CFH: variants seen among roughly 807,000 people sequenced by gnomAD.
CFH encodes complement factor H, also known as H factor 1 (complement).
A neutral mutation model predicts 147.3 loss-of-function variants in CFH; 53 were observed. The observed-to-expected ratio is 0.36, with a 90% CI of 0.29 to 0.45. The LOEUF (loss-of-function observed/expected upper bound fraction) is 0.45. Among genes scored for constraint, CFH ranks in the 20% least tolerant of loss-of-function variants. The pLI, the probability that CFH is intolerant of heterozygous loss-of-function variation, is 1.00. For synonymous variants in CFH, 536 were observed against 489.4 expected (o/e 1.10, Z -1.26); for missense variants, 1,380 against 1,498.0 (o/e 0.92, Z 1.30).
chr1:196,733,895 T>C (rs1669339552), intron 15 of CFH, among the ~76,000 whole-genome samples: 1 of 152,040 alleles, frequency 6.6e-6, no homozygotes, highest in African/African-American at 2.4e-5. Flanking sequence ...GAATATATCA[T>C]AAAACTTCTC....
chr1:196,677,765 T>A (rs1667509223), intron 5 of CFH, 98 bp downstream of exon 5: 2 of 1,148,204 alleles, frequency 1.7e-6, no homozygotes, highest in Non-Finnish European at 2.6e-6. Flanking sequence ...ATATTAACAA[T>A]AGCTAATGTT....
intron 6 of CFH, among the ~76,000 whole-genome samples, chr1:196,683,970 T>C (rs1667740736): frequency 6.6e-6 from 1 of 151,948 alleles, no homozygotes; most frequent in Non-Finnish European, 1.5e-5. Flanking sequence ...CCACAGCTTT[T>C]TAGTCCAAAA....
intron 1 of CFH, among the ~76,000 whole-genome samples, chr1:196,661,621 C>T (rs1457331038): frequency 6.6e-6 from 1 of 152,182 alleles, no homozygotes; most frequent in East Asian, 1.9e-4. Context: ...ACCTTCACGA[C>T]CTAATCACTT....
At chr1:196,714,017 G>T in intron 10 of CFH, 100 bp downstream of exon 10, 1 of 1,109,208 alleles carries the variant, frequency 9.0e-7, no homozygotes, top group Non-Finnish European at 1.3e-6. Context: ...CATTTGAAAA[G>T]ATAAGAAAAA....
intron 11 of CFH, among the ~76,000 whole-genome samples, chr1:196,718,160 G>C (rs1668916076): frequency 6.6e-6 from 1 of 152,074 alleles, no homozygotes; most frequent in Non-Finnish European, 1.5e-5. Flanking sequence ...GGAGAAAATG[G>C]TGAAAACACA....
chr1:196,716,334 A>G (rs545050574), intron 11 of CFH, among the ~76,000 whole-genome samples: 2 of 152,250 alleles, frequency 1.3e-5, no homozygotes, highest in African/African-American at 4.8e-5. Context: ...AGCTGTAAAA[A>G]CAAAACAATA....
At chr1:196,699,965 T>C (rs961662707) in intron 9 of CFH, among the ~76,000 whole-genome samples, 1 of 152,176 alleles carries the variant, frequency 6.6e-6, no homozygotes, top group African/African-American at 2.4e-5. Context: ...ATCTTTGTTC[T>C]TTTTCTGTTC....
chr1:196,669,783 G>A (rs1233532150), intron 1 of CFH, among the ~76,000 whole-genome samples: 3 of 152,216 alleles, frequency 2.0e-5, no homozygotes, highest in Non-Finnish European at 4.4e-5. Context: ...TCCCAGTGGG[G>A]CACTACCTAA....
At chr1:196,737,869 TA>T (rs1273757737) in intron 17 of CFH, among the ~76,000 whole-genome samples, 1 of 152,130 alleles carries the variant, frequency 6.6e-6, no homozygotes, top group Non-Finnish European at 1.5e-5. Context: ...ATTCTGGCAT[TA>T]AAAAATAATA....
At chr1:196,728,635 A>T in intron 15 of CFH, 113 bp downstream of exon 15, 2 of 1,026,196 alleles carry the variant, frequency 1.9e-6, no homozygotes, top group Non-Finnish European at 3.0e-6. Context: ...GCTACTGAAT[A>T]AGGCAGGTAA....
chr1:196,713,973 A>C, intron 10 of CFH, 56 bp downstream of exon 10: 3 of 1,498,732 alleles, frequency 2.0e-6, no homozygotes, highest in Non-Finnish European at 2.8e-6. Context: ...AAAGTTTACT[A>C]ACTTTAGTCT....
chr1:196,725,375 G>A, intron 12 of CFH, 78 bp downstream of exon 12: 2 of 1,383,172 alleles, frequency 1.4e-6, no homozygotes, highest in Non-Finnish European at 2.1e-6. Context: ...ATTTTGTTTG[G>A]GCTCCCATTG....
At chr1:196,695,588 A>G (rs1668230481) in intron 9 of CFH, among the ~76,000 whole-genome samples, 1 of 151,346 alleles carries the variant, frequency 6.6e-6, no homozygotes, top group Non-Finnish European at 1.5e-5. Flanking sequence ...TGTATCAACT[A>G]CTTTGGGCAA....
At chr1:196,725,072 G>A in intron 11 of CFH, 49 bp from the exon 12 acceptor site, 1 of 1,491,680 alleles carries the variant, frequency 6.7e-7, no homozygotes, top group Non-Finnish European at 9.2e-7. Context: ...AATTAACTTT[G>A]GCAATGATTA....
rs765558706 is a variant in CFH at position 196,672,958 on chromosome 1, T to G, written c.59-20T>G. ...TTAAATAGACACTTTATGCACTTAT[T>G]TTGTTTTTATTGTTTGTAGATTGCA... On this transcript the variant is annotated intron_variant, in intron 1 of 21. Coordinates refer to ENST00000367429, the MANE Select transcript of CFH (RefSeq NM_000186.4). 1.9e-4 allele frequency: 309 copies of G among 1,604,384 alleles called. No homozygotes were observed. Among genetic ancestry groups the G allele is most frequent in the Non-Finnish European group, 2.5e-4 (290 of 1,171,780 alleles).
At chr1:196,704,219 C>T (rs968934904) in intron 9 of CFH, among the ~76,000 whole-genome samples, 6 of 151,932 alleles carry the variant, frequency 3.9e-5, no homozygotes, top group Non-Finnish European at 7.4e-5. Flanking sequence ...CTCAGCCTCC[C>T]GAGTAGCTGG....
At chr1:196,737,953 A>G (rs1652636305) in intron 17 of CFH, among the ~76,000 whole-genome samples, 1 of 152,164 alleles carries the variant, frequency 6.6e-6, no homozygotes, top group South Asian at 2.1e-4. Context: ...GATAATTTAT[A>G]CATACAAAAA....
chr1:196,687,954 A>T (rs1255821997), intron 7 of CFH, among the ~76,000 whole-genome samples: 1 of 151,936 alleles, frequency 6.6e-6, no homozygotes, highest in Admixed American at 6.6e-5. Context: ...ATATACAATT[A>T]TTCAGTTTAT....
At chr1:196,699,274 G>C (rs893738969) in intron 9 of CFH, among the ~76,000 whole-genome samples, 1 of 151,982 alleles carries the variant, frequency 6.6e-6, no homozygotes, top group African/African-American at 2.4e-5. Flanking sequence ...GTGTGTGATG[G>C]TATTGCATTC....
Sources: gnomAD v4.1 joint callset for allele counts (sites outside exome capture counted in the v4.1 genomes callset) on GRCh38, gnomAD v4.1.1 for gene constraint, MANE v1.5 for transcripts, NCBI Gene and HGNC (gene_info 2026-07-23, HGNC 2026-07-21) for gene names.